LYRM7: variants seen among roughly 807,000 people sequenced by gnomAD.
The protein encoded by LYRM7 is complex III assembly factor LYRM7.
In LYRM7, 9 loss-of-function variants were observed where a neutral mutation model predicts 15.8. The ratio of observed to expected loss-of-function variants is 0.57; its 90% confidence interval spans 0.34 to 0.99. The LOEUF (loss-of-function observed/expected upper bound fraction) is 0.99, where lower values mean the gene tolerates loss of function less well. LYRM7 is among the 50% of genes least tolerant of loss of function. The pLI, the probability that LYRM7 is intolerant of heterozygous loss-of-function variation, is 0.02. For missense variants in LYRM7, 115 were observed against 119.1 expected (o/e 0.97, Z 0.16); for synonymous variants, 39 against 39.4 (o/e 0.99, Z 0.04).
At chr5:131,177,323 A>G (rs1755617199) in intron 1 of LYRM7, among the ~76,000 whole-genome samples, 1 of 151,998 alleles carries the variant, frequency 6.6e-6, no homozygotes, top group Non-Finnish European at 1.5e-5. Flanking sequence ...TGCCTCTCCC[A>G]TGTTAGACTA....
chr5:131,202,024 A>G lies in LYRM7; in HGVS notation c.*2423A>G, dbSNP rs192437414. On this transcript the variant is annotated 3_prime_UTR_variant, in exon 5 of 5. Transcript: ENST00000379380. ...ATTTTTTTTATTTTTAGTAAGGACA[A>G]GGTCTCATTATGTTGGCCAGGCTGG... The G allele has an allele frequency of 0.01, 1,547 of 151,918 alleles. 16 individuals carry two copies. The highest frequency in any genetic ancestry group is 0.034 in the African/African-American group (1,429 of 41,430). The allele number at this position is 151,918 out of a possible 1,614,324, so 9.4% of individuals were successfully genotyped here. A position where few individuals can be genotyped will look rare whatever the true frequency, so the allele number is the denominator to read the frequency against.
chr5:131,182,924 T>C (rs1490980540), intron 3 of LYRM7, among the ~76,000 whole-genome samples: 4 of 152,210 alleles, frequency 2.6e-5, no homozygotes, highest in African/African-American at 9.7e-5. Context: ...TCTAACTATA[T>C]AAAGGTAAGG....
intron 4 of LYRM7, among the ~76,000 whole-genome samples, chr5:131,196,099 GT>G (rs1374848867): frequency 4.3e-4 from 62 of 145,368 alleles, no homozygotes; most frequent in Non-Finnish European, 8.1e-4. Flanking sequence ...CTATTCTCCT[GT>G]TCTTTTTTTT....
chr5:131,194,700 A>G (rs1755936454), intron 4 of LYRM7, among the ~76,000 whole-genome samples: 1 of 152,176 alleles, frequency 6.6e-6, no homozygotes, highest in Non-Finnish European at 1.5e-5. Context: ...GAAGTGTAGC[A>G]TCTTGTGTTC....
intron 2 of LYRM7, among the ~76,000 whole-genome samples, chr5:131,181,292 A>ATATATATATATAT (rs1181892950): frequency 6.2e-5 from 1 of 16,110 alleles, no homozygotes; most frequent in African/African-American, 1.5e-4. Flanking sequence ...AAAAAAAAAA[A>ATATATATATATAT]AAAAAAAAAA....
rs1413375251 is a variant in LYRM7 at position 131,199,628 on chromosome 5, T to C, written c.*27T>C. The C allele has an allele frequency of 2.0e-6, 3 of 1,532,346 alleles. No homozygotes were observed. Among genetic ancestry groups the C allele is most frequent in the Non-Finnish European group, 2.7e-6 (3 of 1,127,314 alleles). 94.9% of individuals were successfully genotyped at this position (1,532,346 alleles called of 1,614,324 possible). On this transcript the variant is annotated 3_prime_UTR_variant, in exon 5 of 5. Coordinates refer to ENST00000379380, the MANE Select transcript of LYRM7 (RefSeq NM_181705.4). ...TTTTCTAGAATACAACAAGTCTTTG[T>C]ACTTTTTAACTTTAAAATCTACAAC...
chr5:131,192,060 C>T (rs1252278576), intron 4 of LYRM7, among the ~76,000 whole-genome samples: 1 of 150,740 alleles, frequency 6.6e-6, no homozygotes, highest in Non-Finnish European at 1.5e-5. Context: ...CACACACACA[C>T]ACACACACAC....
chr5:131,204,389 CA>C lies in LYRM7; in HGVS notation c.*4791del, dbSNP rs1178676300. The C allele has an allele frequency of 6.6e-6, 1 of 150,522 alleles. No homozygotes were observed. The highest frequency in any genetic ancestry group is 2.4e-5 in the African/African-American group (1 of 41,010). 9.3% of individuals were successfully genotyped at this position (150,522 alleles called of 1,614,324 possible). A position where few individuals can be genotyped will look rare whatever the true frequency, so the allele number is the denominator to read the frequency against. ...AACAATTTAAAACAGACTGAGTTTCCAAAGTTAGGGTACAATGAAAGAAAAG... is the reference window on the plus strand; with the variant it reads ...AACAATTTAAAACAGACTGAGTTTCCAAGTTAGGGTACAATGAAAGAAAAG... On this transcript the variant is annotated 3_prime_UTR_variant, in exon 5 of 5. Transcript: ENST00000379380.
intron 1 of LYRM7, among the ~76,000 whole-genome samples, chr5:131,178,984 AG>A (rs1755642201): frequency 5.3e-5 from 8 of 150,026 alleles, no homozygotes; most frequent in African/African-American, 2.0e-4. Flanking sequence ...AAAAAAAAAA[AG>A]GGAATAGCAA....
intron 1 of LYRM7, among the ~76,000 whole-genome samples, chr5:131,176,419 A>G (rs1409892514): frequency 6.6e-6 from 1 of 151,792 alleles, no homozygotes; most frequent in African/African-American, 2.4e-5. Context: ...TACAGTAGCC[A>G]TTCTACTGGG....
chr5:131,179,459 T>C (rs1379470849), intron 1 of LYRM7, among the ~76,000 whole-genome samples: 8 of 124,970 alleles, frequency 6.4e-5, no homozygotes, highest in African/African-American at 2.0e-4. Context: ...TCTTTTCTTT[T>C]TTTTTTTTTT....
In LYRM7 at chr5:131,177,345, G is replaced by A. The variant is rs913089801; in HGVS notation, c.19-2750G>A. The stretch of plus-strand genomic sequence containing the variant: ...CCCATGTTAGACTACCTGTCTCCTG[G>A]GTTCCCATGTCTTTTCCTTTTGTGA... On this transcript the variant is annotated intron_variant, in intron 1 of 4. Coordinates refer to ENST00000379380, the MANE Select transcript of LYRM7 (RefSeq NM_181705.4). 2.0e-5 allele frequency among the ~76,000 whole-genome samples: 3 copies of A among 152,076 alleles called. No individual in the cohort carries two copies. In the East Asian group the frequency reaches 5.8e-4, roughly 29 times the overall value.
Position 131,199,700 on chromosome 5 carries a change from A to G in LYRM7, c.*99A>G, listed in dbSNP as rs1756027599. ...GCAGACATTTTCCCTGAACTGGCAT[A>G]TTGAAAATGAATGAATTACAGAATA... On this transcript the variant is annotated 3_prime_UTR_variant, in exon 5 of 5. Transcript: ENST00000379380. 4.3e-6 allele frequency: 3 copies of G among 698,588 alleles called. No homozygotes were observed. Among genetic ancestry groups the G allele is most frequent in the Non-Finnish European group, 2.3e-6 (1 of 429,896 alleles). 43.3% of individuals were successfully genotyped at this position (698,588 alleles called of 1,614,324 possible). A position where few individuals can be genotyped will look rare whatever the true frequency, so the allele number is the denominator to read the frequency against.
Position 131,200,157 on chromosome 5 carries a change from G to A in LYRM7, c.*556G>A, listed in dbSNP as rs1756037401. ...CTTTTTAGAGATAGAGAGTATCTCTGTGTTCTTATGAAGACATTTTTTATC... is the reference window on the plus strand; with the variant it reads ...CTTTTTAGAGATAGAGAGTATCTCTATGTTCTTATGAAGACATTTTTTATC... On this transcript the variant is annotated 3_prime_UTR_variant, in exon 5 of 5. Transcript: ENST00000379380. 6.6e-6 allele frequency: 1 copy of A among 152,260 alleles called. No individual in the cohort carries two copies. The highest frequency in any genetic ancestry group is 2.4e-5 in the African/African-American group (1 of 41,414). The allele number at this position is 152,260 out of a possible 1,614,324, so 9.4% of individuals were successfully genotyped here. A position where few individuals can be genotyped will look rare whatever the true frequency, so the allele number is the denominator to read the frequency against.
chr5:131,192,392 G>A (rs1473989412), intron 4 of LYRM7, among the ~76,000 whole-genome samples: 4 of 152,068 alleles, frequency 2.6e-5, no homozygotes, highest in Admixed American at 1.3e-4. Context: ...ACAATTTATT[G>A]TATGTTTTCA....
intron 2 of LYRM7, among the ~76,000 whole-genome samples, chr5:131,181,294 A>ATATAT (rs1221861213): frequency 4.3e-4 from 7 of 16,414 alleles, no homozygotes; most frequent in African/African-American, 1.1e-3. Context: ...AAAAAAAAAA[A>ATATAT]AAAAAAAAAT....
intron 3 of LYRM7, among the ~76,000 whole-genome samples, chr5:131,184,409 G>A (rs1755760659): frequency 1.3e-5 from 2 of 152,072 alleles, no homozygotes; most frequent in South Asian, 4.1e-4. Context: ...GTCTTGCTTT[G>A]TTGCCCAGGC....
chr5:131,184,388 G>A (rs1040826899), intron 3 of LYRM7, among the ~76,000 whole-genome samples: 1 of 151,444 alleles, frequency 6.6e-6, no homozygotes, highest in African/African-American at 2.4e-5. Context: ...ATTTTTTTGG[G>A]TAGAGAGGAG....
intron 2 of LYRM7, among the ~76,000 whole-genome samples, chr5:131,180,742 A>G (rs1303059132): frequency 1.3e-5 from 2 of 152,126 alleles, no homozygotes; most frequent in African/African-American, 2.4e-5. Context: ...AGTTTTTGTA[A>G]CTCATCAAAA....
Sources: allele counts gnomAD v4.1 joint callset (sites outside exome capture counted in the v4.1 genomes callset), GRCh38; gene constraint gnomAD v4.1.1; transcripts MANE v1.5; gene names NCBI Gene and HGNC (gene_info 2026-07-23, HGNC 2026-07-21).